LRRC49: variants seen among roughly 807,000 people sequenced by gnomAD.
LRRC49 encodes leucine rich repeat containing 49, also known as leucine-rich repeat-containing protein 49.
LRRC49 carries 50 observed loss-of-function variants against 83.3 expected under a neutral mutation model. That is an observed-to-expected ratio of 0.60 (90% CI 0.48 to 0.76). The LOEUF (loss-of-function observed/expected upper bound fraction) is 0.76, where lower values mean the gene tolerates loss of function less well. Ranked by LOEUF, LRRC49 falls within the 30% of genes least tolerant of loss-of-function variation. The pLI is 0.00. For missense variants in LRRC49, 704 were observed against 809.1 expected, an observed-to-expected ratio of 0.87 and a Z score of 1.58; for synonymous variants, 286 against 283.3, an observed-to-expected ratio of 1.01 and a Z score of -0.10.
intron 15 of LRRC49, among the ~76,000 whole-genome samples, chr15:71,038,432 A>C (rs2039593372): frequency 6.6e-6 from 1 of 152,092 alleles, no homozygotes; most frequent in Non-Finnish European, 1.5e-5. Flanking sequence ...ATAGAGGAAA[A>C]GTAGGAAATT....
At chr15:70,853,466 A>C (rs911957953) in exon 1 of LRRC49, 1 of 155,590 alleles carries the variant, frequency 6.4e-6, no homozygotes, top group Non-Finnish European at 1.4e-5. Context: ...GATGGCAGTG[A>C]AGGGTAAGCG....
At chr15:70,882,546 T>A (rs1310927903) in intron 2 of LRRC49, 2 of 1,613,758 alleles carry the variant, frequency 1.2e-6, no homozygotes, top group East Asian at 4.5e-5. Context: ...TCTGAATCAC[T>A]GGAGTAAATG....
At chr15:70,971,684 A>G in intron 9 of LRRC49, among the ~76,000 whole-genome samples, 1 of 151,388 alleles carries the variant, frequency 6.6e-6, no homozygotes, top group East Asian at 1.9e-4. Context: ...TAGGATGGTT[A>G]GTTCTTCTTA....
At chr15:70,928,531 CATTT>C (rs200085806) in intron 7 of LRRC49, among the ~76,000 whole-genome samples, 1,620 of 151,674 alleles carry the variant, frequency 0.011, 29 homozygotes, top group African/African-American at 0.036. Flanking sequence ...TCATAACTTT[CATTT>C]ATTTATTTAT....
intron 11 of LRRC49, among the ~76,000 whole-genome samples, chr15:70,997,192 A>T: frequency 6.6e-6 from 1 of 152,030 alleles, no homozygotes; most frequent in East Asian, 1.9e-4. Flanking sequence ...AACTTTGTCC[A>T]TTTTGCTTCA....
At chr15:70,995,254 G>T (rs2038036088) in intron 11 of LRRC49, among the ~76,000 whole-genome samples, 1 of 152,150 alleles carries the variant, frequency 6.6e-6, no homozygotes, top group African/African-American at 2.4e-5. Flanking sequence ...TTGTTTCTGG[G>T]ACTGTAAGTC....
rs541819309 is a variant in LRRC49, at chr15:70,987,505, G to A, written c.1169+3248G>A. On this transcript the variant is annotated intron_variant, in intron 11 of 15. Transcript: ENST00000260382. ...TATCCCCTTTATCATTTTTTATTGC[G>A]TCTATTTGATTCTTCTCTCTTTTCT... is the stretch of plus-strand genomic sequence containing the variant. 2.0e-4 allele frequency among the ~76,000 whole-genome samples: 30 copies of A among 151,948 alleles called. 1 individual carries two copies. The highest frequency in any genetic ancestry group is 1.5e-3 in the South Asian group (7 of 4,806).
At chr15:71,028,862 T>C (rs537133953) in intron 14 of LRRC49, among the ~76,000 whole-genome samples, 10 of 152,278 alleles carry the variant, frequency 6.6e-5, no homozygotes, top group Admixed American at 3.9e-4. Context: ...TGGCTAGCAG[T>C]CCGTCTACTT....
chr15:70,920,623 GGAAA>G (rs2034972767), intron 7 of LRRC49, among the ~76,000 whole-genome samples: 1 of 152,104 alleles, frequency 6.6e-6, no homozygotes, highest in Non-Finnish European at 1.5e-5. Context: ...GCTTTCATTT[GGAAA>G]GTGCATAATG....
chr15:70,883,655 T>TA (rs1433547332), intron 2 of LRRC49, among the ~76,000 whole-genome samples: 1 of 151,604 alleles, frequency 6.6e-6, no homozygotes, highest in East Asian at 1.9e-4. Flanking sequence ...TGGAATTTTT[T>TA]TTTTTTTTTT....
chr15:70,940,793 C>A (rs552461099), intron 8 of LRRC49, among the ~76,000 whole-genome samples: 1 of 152,284 alleles, frequency 6.6e-6, no homozygotes, highest in East Asian at 1.9e-4. Context: ...ATTGACAGAT[C>A]TTTTCTGACC....
chr15:70,954,853 T>C (rs1346781207), intron 8 of LRRC49, among the ~76,000 whole-genome samples: 2 of 152,048 alleles, frequency 1.3e-5, no homozygotes, highest in Non-Finnish European at 2.9e-5. Context: ...GTGTAGGTGC[T>C]CCAGCAGGGG....
At chr15:70,959,348 G>A (rs1002171697) in intron 8 of LRRC49, among the ~76,000 whole-genome samples, 7 of 152,048 alleles carry the variant, frequency 4.6e-5, no homozygotes, top group Admixed American at 1.3e-4. Flanking sequence ...AGAATTAGCC[G>A]GGTGTGGTGG....
Position 70,936,782 on chromosome 15 carries a change from T to G in LRRC49, c.733T>G (p.Cys245Gly). 1 of 1,611,410 alleles carries G rather than the reference T, an allele frequency of 6.2e-7. No individual in the cohort carries two copies. Among genetic ancestry groups the G allele is most frequent in the South Asian group, 1.1e-5 (1 of 90,986 alleles). ...CCAGAGAGATGTGGATAATTTGCCC[T>G]GCCTCCAACATCTCTTTCTCAGCTT... is the stretch of plus-strand genomic sequence containing the variant. ...TFVRDVDNLP[C>G]LQHLFLSFNN... The change falls in exon 8 of 16, where the codon TGC (cysteine) becomes GGC (glycine). Residue 245 changes from cysteine (C) to glycine (G), a missense_variant. By Grantham distance (159) the Cys-to-Gly change is radical. This residue lies in a region of LRRC49 where 261 missense variants were observed against 330.5 expected (regional missense o/e 0.79). Transcript: ENST00000260382.
At chr15:71,006,445 G>T (rs1409960460) in intron 11 of LRRC49, among the ~76,000 whole-genome samples, 2 of 152,048 alleles carry the variant, frequency 1.3e-5, no homozygotes, top group African/African-American at 4.8e-5. Context: ...TGGTTACTGT[G>T]GCCATCAGGC....
At chr15:71,034,302 A>G (rs1469689640) in intron 14 of LRRC49, among the ~76,000 whole-genome samples, 1 of 152,254 alleles carries the variant, frequency 6.6e-6, no homozygotes, top group Non-Finnish European at 1.5e-5. Context: ...ATCACTGATT[A>G]TTAGAGAAAT....
intron 11 of LRRC49, among the ~76,000 whole-genome samples, chr15:70,987,235 G>A (rs2037660974): frequency 6.6e-6 from 1 of 152,110 alleles, no homozygotes; most frequent in Admixed American, 6.6e-5. Flanking sequence ...TGTACCTCTG[G>A]TAGAATTCGG....
chr15:70,984,239 C>T lies in LRRC49; in HGVS notation c.1151C>T (p.Ala384Val). ...CAGATTGATGGAAGCACCCTCTCTG[C>T]ATTCCCAGAGGAAACAGGGTATGCA... The part of the protein sequence containing the change: ...PCQIDGSTLS[A>V]FPEETGPLDS... Residue 384 changes from alanine to valine, a missense_variant, in exon 11 of 16, where the codon GCA (alanine) becomes GTA (valine). By Grantham distance (64) the Ala-to-Val change is moderately conservative. Coordinates refer to ENST00000260382, the MANE Select transcript of LRRC49 (RefSeq NM_017691.5). The T allele has an allele frequency of 6.2e-7, 1 of 1,611,828 alleles. No individual in the cohort carries two copies. The highest frequency in any genetic ancestry group is 2.2e-5 in the East Asian group (1 of 44,772).
chr15:70,892,943 G>T lies in LRRC49; in HGVS notation c.48+1G>T, dbSNP rs2033649765. ...TGTTTCTGGCCGGGCTGCGAACAAC[G>T]TAAGTTGGGCCTTCTACTTTCTCTT... is the stretch of plus-strand genomic sequence containing the variant. On this transcript the variant is annotated splice_donor_variant, in intron 1 of 15. Coordinates refer to ENST00000260382, the MANE Select transcript of LRRC49 (RefSeq NM_017691.5). LOFTEE classifies it high-confidence loss of function. 3 of 1,614,170 alleles carry T rather than the reference G, an allele frequency of 1.9e-6. No individual in the cohort carries two copies. Among genetic ancestry groups the T allele is most frequent in the Non-Finnish European group, 2.5e-6 (3 of 1,180,014 alleles).
Sources: allele counts gnomAD v4.1 joint callset (sites outside exome capture counted in the v4.1 genomes callset), GRCh38; gene constraint gnomAD v4.1.1; regional missense constraint gnomAD v4.1.1; transcripts MANE v1.5; gene names NCBI Gene and HGNC (gene_info 2026-07-23, HGNC 2026-07-21).